The following RTKN2 variants were observed in gnomAD, a reference collection of about 807,000 sequenced individuals.
RTKN2 encodes the protein rhotekin-2.
RTKN2 carries 69 observed loss-of-function variants against 71.5 expected under a neutral mutation model. That is an observed-to-expected ratio of 0.96 (90% CI 0.79 to 1.18). The LOEUF is 1.18. RTKN2 is among the 50% of genes most tolerant of loss of function. The pLI, the probability that RTKN2 is intolerant of heterozygous loss-of-function variation, is 0.00. For synonymous variants in RTKN2, 236 were observed against 236.5 expected (o/e 1.00, Z 0.02); for missense variants, 724 against 719.7 (o/e 1.01, Z -0.07).
chr10:62,267,723 C>T (rs1417733407), intron 1 of RTKN2, among the ~76,000 whole-genome samples: 2 of 152,070 alleles, frequency 1.3e-5, no homozygotes, highest in East Asian at 3.9e-4. Flanking sequence ...CAATTTTGAC[C>T]TACAAAACTG....
intron 9 of RTKN2, among the ~76,000 whole-genome samples, chr10:62,213,615 A>G (rs1841706093): frequency 6.6e-6 from 1 of 152,154 alleles, no homozygotes; most frequent in African/African-American, 2.4e-5. Context: ...TTATGTATAT[A>G]TATGAAAGGT....
Position 62,195,645 on chromosome 10 carries a change from A to C in RTKN2, c.*2263T>G. ...AAGGAAGGAAGGAAGGAAGGAAGGA[A>C]GGAAGGAAGGAAGGAAGGAAGGAAG... On this transcript the variant is annotated 3_prime_UTR_variant, in exon 12 of 12. Transcript: ENST00000373789. 1 of 796,378 alleles carries C rather than the reference A, an allele frequency of 1.3e-6. No homozygotes were observed. Among genetic ancestry groups the C allele is most frequent in the Non-Finnish European group, 1.5e-6 (1 of 658,992 alleles). The allele number at this position is 796,378 out of a possible 1,614,324, so 49.3% of individuals were successfully genotyped here. A position where few individuals can be genotyped will look rare whatever the true frequency, so the allele number is the denominator to read the frequency against.
intron 9 of RTKN2, among the ~76,000 whole-genome samples, chr10:62,214,439 C>A (rs1463775832): frequency 6.6e-6 from 1 of 152,064 alleles, no homozygotes; most frequent in Admixed American, 6.5e-5. Context: ...TGCAAGTCTG[C>A]TGACTTCAGT....
At position 62,196,068 on chromosome 10, in the gene RTKN2, T is replaced by A. The variant is rs974351097; in HGVS notation, c.*1840A>T. 31 of 984,958 alleles carry A rather than the reference T, an allele frequency of 3.1e-5. 1 individual carries two copies. The Admixed American group carries it at 1.9e-3, about 61-fold the overall frequency. The allele number at this position is 984,958 out of a possible 1,614,324, so 61.0% of individuals were successfully genotyped here. ...TAGGAAAAAAAAAAGAATGCTTAGA[T>A]GCCAGCTTCAAAACAATTTTCCCTG... On this transcript the variant is annotated 3_prime_UTR_variant, in exon 12 of 12. Transcript: ENST00000373789.
intron 3 of RTKN2, among the ~76,000 whole-genome samples, chr10:62,242,442 T>G (rs1842395713): frequency 6.6e-6 from 1 of 152,062 alleles, no homozygotes; most frequent in South Asian, 2.1e-4. Context: ...TTTTTGGAGG[T>G]TTTCTTGTAA....
intron 9 of RTKN2, among the ~76,000 whole-genome samples, chr10:62,206,277 T>C (rs1032245511): frequency 6.6e-6 from 1 of 152,070 alleles, no homozygotes; most frequent in African/African-American, 2.4e-5. Context: ...CTGGTAGTAA[T>C]AAAGGCTGAT....
chr10:62,216,002 A>G (rs1841761671), intron 9 of RTKN2, among the ~76,000 whole-genome samples: 1 of 152,026 alleles, frequency 6.6e-6, no homozygotes, highest in African/African-American at 2.4e-5. Context: ...TAAACAAAAC[A>G]GTTAAATTAG....
intron 8 of RTKN2, among the ~76,000 whole-genome samples, chr10:62,185,485 G>A (rs193197435): frequency 0.016 from 2,471 of 152,044 alleles, 78 homozygotes; most frequent in African/African-American, 0.058. Flanking sequence ...GTGTGGTGGC[G>A]GGCACCTGTA....
chr10:62,268,030 C>G (rs961264100), intron 1 of RTKN2, among the ~76,000 whole-genome samples: 1 of 152,208 alleles, frequency 6.6e-6, no homozygotes, highest in Non-Finnish European at 1.5e-5. Context: ...TGAGAAAGAA[C>G]CCAGTATCAA....
In RTKN2 at chr10:62,253,515, AC is replaced by A. The variant is rs1310355959; in HGVS notation, c.258-7459del. 2.6e-5 allele frequency among the ~76,000 whole-genome samples: 4 copies of A among 152,274 alleles called. No homozygotes were observed. In the East Asian group the frequency reaches 7.7e-4, roughly 29 times the overall value. ...TTCGAACTCCTTTGGCTAACTTTAC[AC>A]CCTTATAAAAAGAAATGTAACTTCA... On this transcript the variant is annotated intron_variant, in intron 2 of 11. Coordinates refer to ENST00000373789, the MANE Select transcript of RTKN2 (RefSeq NM_145307.4).
At chr10:62,200,362 C>CAAAAAAAAAAAAA (rs67854159) in intron 10 of RTKN2, among the ~76,000 whole-genome samples, 152 of 79,466 alleles carry the variant, frequency 1.9e-3, no homozygotes, top group South Asian at 2.7e-3. Flanking sequence ...GACTCCGTCT[C>CAAAAAAAAAAAAA]AAAAAAAAAA....
At chr10:62,212,113 A>ATAT (rs11438934) in intron 9 of RTKN2, among the ~76,000 whole-genome samples, 528 of 151,660 alleles carry the variant, frequency 3.5e-3, no homozygotes, top group Non-Finnish European at 5.5e-3. Flanking sequence ...TTAAAAAAAA[A>ATAT]ATATATATAT....
chr10:62,192,757 C>T (rs1170826195), downstream of RTKN2, among the ~76,000 whole-genome samples: 3 of 152,154 alleles, frequency 2.0e-5, no homozygotes, highest in Non-Finnish European at 4.4e-5. Context: ...ACAGCTAGTC[C>T]TACAAGCACA....
In RTKN2 at chr10:62,195,800, A is replaced by G; in HGVS notation, c.*2108T>C. The G allele has an allele frequency of 1.0e-6, 1 of 985,486 alleles. No individual in the cohort carries two copies. The highest frequency in any genetic ancestry group is 1.2e-6 in the Non-Finnish European group (1 of 830,044). The allele number at this position is 985,486 out of a possible 1,614,324, so 61.0% of individuals were successfully genotyped here. Reference sequence around the variant, plus strand: ...AGCTGGGCCCCCCAGAAAGAGACCGAATAATTTGGTGGGGAGGGGGTGGTG... The same window carrying G: ...AGCTGGGCCCCCCAGAAAGAGACCGGATAATTTGGTGGGGAGGGGGTGGTG... On this transcript the variant is annotated 3_prime_UTR_variant, in exon 12 of 12. Transcript: ENST00000373789.
chr10:62,245,193 A>G (rs1303069528), intron 3 of RTKN2, among the ~76,000 whole-genome samples: 2 of 152,150 alleles, frequency 1.3e-5, no homozygotes, highest in Non-Finnish European at 2.9e-5. Flanking sequence ...ACTGCACAGC[A>G]TAAGTGCCAT....
intron 9 of RTKN2, among the ~76,000 whole-genome samples, chr10:62,207,450 G>T (rs748078085): frequency 3.3e-5 from 5 of 152,006 alleles, no homozygotes; most frequent in Admixed American, 2.0e-4. Context: ...GCGTGTTGAA[G>T]AAAAAGTGAT....
At chr10:62,212,362 C>A (rs1841680102) in intron 9 of RTKN2, among the ~76,000 whole-genome samples, 1 of 151,068 alleles carries the variant, frequency 6.6e-6, no homozygotes, top group South Asian at 2.1e-4. Flanking sequence ...GAGTAAGACT[C>A]TGTCTCAAAA....
chr10:62,262,557 A>C (rs1439357046), intron 2 of RTKN2, 68 bp downstream of exon 2: 35 of 1,111,802 alleles, frequency 3.1e-5, no homozygotes, highest in Non-Finnish European at 4.4e-5. Flanking sequence ...CTTAAGCTTA[A>C]ATTATACTGT....
At chr10:62,242,635 A>AT (rs1272489749) in intron 3 of RTKN2, among the ~76,000 whole-genome samples, 6 of 124,914 alleles carry the variant, frequency 4.8e-5, no homozygotes, top group Admixed American at 2.5e-4. Context: ...TTTTTTTTTG[A>AT]GACAGCGTCT....
Sources: allele counts gnomAD v4.1 joint callset (sites outside exome capture counted in the v4.1 genomes callset), GRCh38; gene constraint gnomAD v4.1.1; transcripts MANE v1.5; gene names NCBI Gene and HGNC (gene_info 2026-07-23, HGNC 2026-07-21).